Variants in PRRC2C observed in about 807,000 individuals in gnomAD.
The protein encoded by PRRC2C is proline rich coiled-coil 2C, also known as protein PRRC2C.
In PRRC2C, 72 loss-of-function variants were observed where a neutral mutation model predicts 317.2. That is an observed-to-expected ratio of 0.23 (90% CI 0.19 to 0.28). The LOEUF is 0.28. Ranked by LOEUF, PRRC2C falls within the 10% of genes least tolerant of loss-of-function variation. PRRC2C has a pLI of 1.00. For missense variants in PRRC2C, 3,074 were observed against 3,459.7 expected, an observed-to-expected ratio of 0.89 and a Z score of 2.80; for synonymous variants, 1,296 against 1,205.9, an observed-to-expected ratio of 1.07 and a Z score of -1.55.
At chr1:171,513,410 G>T in intron 3 of PRRC2C, 2 of 598,634 alleles carry the variant, frequency 3.3e-6, no homozygotes, top group Non-Finnish European at 6.2e-6. Flanking sequence ...TTATGTCATA[G>T]CCTTTATTAG....
rs756120928 is a variant in PRRC2C, at chr1:171,535,463, C to T, written c.1909C>T (p.Arg637Cys). Residue 637 changes from arginine to cysteine, a missense_variant, in exon 13 of 35, where the codon CGC (arginine) becomes TGC (cysteine). Arg to Cys is a radical substitution (Grantham distance 180). This residue lies in a region of PRRC2C where 1,320 missense variants were observed against 1,395.7 expected (regional missense o/e 0.95). Coordinates refer to ENST00000647382, the MANE Select transcript of PRRC2C (RefSeq NM_001387844.1). ...CGTTTTCACTAGACAAGACAGCAAT[C>T]GCAGTGAAAAGGAAGCCACACCAGT... The part of the protein sequence containing the change: ...EPVFTRQDSN[R>C]SEKEATPVVH... The T allele has an allele frequency of 3.1e-6, 5 of 1,613,774 alleles. No individual in the cohort carries two copies. The East Asian group carries it at 6.7e-5, about 22-fold the overall frequency.
chr1:171,548,881 G>A (rs1571934842), intron 17 of PRRC2C, among the ~76,000 whole-genome samples: 1 of 152,122 alleles, frequency 6.6e-6, no homozygotes, highest in Admixed American at 6.6e-5. Context: ...ATTGAGACAG[G>A]GTCTTGCTCT....
rs1681664952 is a variant in PRRC2C at position 171,557,446 on chromosome 1, A to AGTTCCAGCCTCAACCTCAGCTCCG, written c.5349_5372dup (p.Ser1784_Thr1791dup). ...CTCCACTTCCGGCAACCTTAACTCC[A>AGTTCCAGCCTCAACCTCAGCTCCG]GTTCCAGCCTCAACCTCAGCTCCGG... On this transcript the variant is annotated inframe_insertion, in exon 19 of 35. Coordinates refer to ENST00000647382, the MANE Select transcript of PRRC2C (RefSeq NM_001387844.1). The AGTTCCAGCCTCAACCTCAGCTCCG allele has an allele frequency of 1.3e-6, 2 of 1,545,990 alleles. No individual in the cohort carries two copies. The highest frequency in any genetic ancestry group is 1.2e-5 in the South Asian group (1 of 83,666).
At chr1:171,585,672 T>C (rs1553248992) in intron 30 of PRRC2C, among the ~76,000 whole-genome samples, 13 of 152,212 alleles carry the variant, frequency 8.5e-5, no homozygotes, top group Non-Finnish European at 2.9e-5. Context: ...CTCATTTACT[T>C]TGTGATTATT....
chr1:171,587,575 A>G, intron 31 of PRRC2C, 73 bp from the exon 32 acceptor site: 1 of 1,046,570 alleles, frequency 9.6e-7, no homozygotes, highest in South Asian at 1.4e-5. Flanking sequence ...GTCTTCACGT[A>G]TAGGACATGT....
chr1:171,515,749 G>T lies in PRRC2C; in HGVS notation c.416G>T (p.Ser139Ile), dbSNP rs1262516597. 1 of 1,604,826 alleles carries T rather than the reference G, an allele frequency of 6.2e-7. No individual in the cohort carries two copies. Among genetic ancestry groups the T allele is most frequent in the East Asian group, 2.2e-5 (1 of 44,796 alleles). Residue 139 changes from serine (S) to isoleucine (I), a missense_variant, in exon 5 of 35, where the codon AGT (serine) becomes ATT (isoleucine). This residue lies in a region of PRRC2C where 237 missense variants were observed against 199.5 expected (regional missense o/e 1.19). Coordinates refer to ENST00000647382, the MANE Select transcript of PRRC2C (RefSeq NM_001387844.1). ...GGQGDGIQVN[S>I]QFQQEFPSLQ... ...AAATCTATAGGAATCCAAGTGAATA[G>T]TCAGTTTCAGCAAGAATTTCCCAGC...
At chr1:171,581,601 T>C (rs1280408541) in intron 28 of PRRC2C, among the ~76,000 whole-genome samples, 1 of 152,234 alleles carries the variant, frequency 6.6e-6, no homozygotes, top group Non-Finnish European at 1.5e-5. Flanking sequence ...AGTTATTTTA[T>C]CCCTAAACAT....
At chr1:171,578,152 C>T (rs1647594830) in intron 26 of PRRC2C, among the ~76,000 whole-genome samples, 2 of 151,898 alleles carry the variant, frequency 1.3e-5, no homozygotes, top group Non-Finnish European at 2.9e-5. Flanking sequence ...TACATACTTA[C>T]TGTAGTAACA....
At chr1:171,536,320 T>A (rs1048906962) in intron 14 of PRRC2C, 42 bp downstream of exon 14, 21 of 1,573,914 alleles carry the variant, frequency 1.3e-5, no homozygotes, top group Admixed American at 1.8e-5. Context: ...GATCAAAATT[T>A]TTTTTTCCCT....
intron 26 of PRRC2C, among the ~76,000 whole-genome samples, 175 bp downstream of exon 26, chr1:171,577,812 C>T (rs1463288328): frequency 1.7e-5 from 2 of 116,458 alleles, no homozygotes; most frequent in Non-Finnish European, 3.2e-5. Context: ...GTGTCTGGCT[C>T]TGTTGCCCAG....
rs138111686 is a variant in PRRC2C at position 171,532,383 on chromosome 1, G to A, written c.1295G>A (p.Gly432Asp). 1 of 1,613,838 alleles carries A rather than the reference G, an allele frequency of 6.2e-7. No homozygotes were observed. The highest frequency in any genetic ancestry group is 8.5e-7 in the Non-Finnish European group (1 of 1,179,858). Reference protein sequence around the residue: ...PDRQAVPGRPGPFPSKQQVAD... With the variant: ...PDRQAVPGRPDPFPSKQQVAD... ...CGACAGGCAGTACCTGGAAGACCAG[G>A]CCCCTTTCCCTCCAAGCAGCAAGTA... The change falls in exon 12 of 35, where the codon GGC (glycine) becomes GAC (aspartate). Residue 432 changes from glycine to aspartate, a missense_variant. Gly to Asp is a moderately conservative substitution (Grantham distance 94). Around this residue, in one of 11 missense-constraint regions of PRRC2C, gnomAD observed 1,320 missense variants for 1,395.7 expected, o/e 0.95. Transcript: ENST00000647382.
chr1:171,591,274 A>G (rs1023607686), intron 34 of PRRC2C: 2 of 958,036 alleles, frequency 2.1e-6, no homozygotes, highest in Non-Finnish European at 2.6e-6. Flanking sequence ...AGAAGTTTTA[A>G]GTGTTACATG....
At position 171,568,810 on chromosome 1, in the gene PRRC2C, G is replaced by A. The variant is rs577356507; in HGVS notation, c.6651+471G>A. 1.4e-4 allele frequency among the ~76,000 whole-genome samples: 21 copies of A among 151,494 alleles called. No homozygotes were observed. In the South Asian group the frequency reaches 1.5e-3, roughly 10 times the overall value. On this transcript the variant is annotated intron_variant, in intron 23 of 34. Transcript: ENST00000647382. ...TCTTTAAAAAAGAAAAAATACCAGC[G>A]TGTTAACAACATTCTTGTTGTGTAG...
intron 1 of PRRC2C, among the ~76,000 whole-genome samples, chr1:171,507,642 T>G (rs768511987): frequency 8.5e-5 from 13 of 152,122 alleles, no homozygotes. Flanking sequence ...TAATGCCTGG[T>G]GAAGCATGTC....
At chr1:171,496,911 C>G (rs927884465) in intron 1 of PRRC2C, among the ~76,000 whole-genome samples, 1 of 151,790 alleles carries the variant, frequency 6.6e-6, no homozygotes, top group Non-Finnish European at 1.5e-5. Flanking sequence ...AAGCGATCCT[C>G]CTGCTTCAAT....
chr1:171,520,290 G>T (rs1673315054), intron 6 of PRRC2C, among the ~76,000 whole-genome samples: 1 of 152,078 alleles, frequency 6.6e-6, no homozygotes, highest in African/African-American at 2.4e-5. Flanking sequence ...AAGAAGTTTG[G>T]GAGTATGCTG....
chr1:171,511,116 A>G (rs1406749385), intron 1 of PRRC2C: 1 of 152,100 alleles, frequency 6.6e-6, no homozygotes, highest in African/African-American at 2.4e-5. Context: ...CCTGTGTTTC[A>G]GTTCTCAATG....
Position 171,539,966 on chromosome 1 carries a change from C to T in PRRC2C, c.2505-5C>T. The T allele has an allele frequency of 6.3e-7, 1 of 1,596,258 alleles. No homozygotes were observed. The highest frequency in any genetic ancestry group is 8.5e-7 in the Non-Finnish European group (1 of 1,172,250). On this transcript the variant is annotated splice_polypyrimidine_tract_variant and splice_region_variant and intron_variant, in intron 15 of 34. Transcript: ENST00000647382. ...GATTATACCTTTGAATTCTTATCAT[C>T]ATAGGTCTGAAGCTGCGTTGGACCA...
chr1:171,558,524 A>G (rs769186613), intron 19 of PRRC2C, among the ~76,000 whole-genome samples: 1 of 152,116 alleles, frequency 6.6e-6, no homozygotes, highest in Non-Finnish European at 1.5e-5. Flanking sequence ...TCTGTGTCAC[A>G]TTTTGGTCAT....
Sources: gnomAD v4.1 joint callset for allele counts (sites outside exome capture counted in the v4.1 genomes callset) on GRCh38, gnomAD v4.1.1 for gene constraint, gnomAD v4.1.1 regional missense constraint, MANE v1.5 for transcripts, NCBI Gene and HGNC (gene_info 2026-07-23, HGNC 2026-07-21) for gene names.